The following ACTN1 variants were observed in gnomAD, a reference collection of about 807,000 sequenced individuals.
ACTN1 encodes actinin alpha 1.
In ACTN1, 30 loss-of-function variants were observed where a neutral mutation model predicts 119.6. That is an observed-to-expected ratio of 0.25 (90% CI 0.19 to 0.34). The LOEUF (loss-of-function observed/expected upper bound fraction) is 0.34, where lower values mean the gene tolerates loss of function less well. Ranked by LOEUF, ACTN1 falls within the 10% of genes least tolerant of loss-of-function variation. ACTN1 has a pLI of 1.00. For synonymous variants in ACTN1, 429 were observed against 472.6 expected (o/e 0.91, Z 1.20); for missense variants, 764 against 1,223.4 (o/e 0.62, Z 5.60).
In ACTN1 at chr14:68,878,589, C is replaced by G. The variant is rs1255967655; in HGVS notation, c.2362-66G>C. ...AAGGCAGGAAGAGGAAGGGCCGGCC[C>G]GGGGCCAGGAAGACAGGAACAGATG... On this transcript the variant is annotated intron_variant, in intron 19 of 21. Coordinates refer to ENST00000394419, the MANE Select transcript of ACTN1 (RefSeq NM_001130004.2). This position sits in a 1 kb window ranked among gnomAD's most constrained non-coding sequence, Gnocchi z 4.4. 1.0e-5 allele frequency: 16 copies of G among 1,604,390 alleles called. No individual in the cohort carries two copies. The highest frequency in any genetic ancestry group is 1.4e-5 in the Non-Finnish European group (16 of 1,175,610).
chr14:68,929,942 G>C (rs142526847), intron 1 of ACTN1, among the ~76,000 whole-genome samples: 1 of 152,238 alleles, frequency 6.6e-6, no homozygotes, highest in Admixed American at 6.5e-5. Flanking sequence ...CAACAGAGGG[G>C]CCCCAGCCCA....
chr14:68,929,039 C>T (rs954795609), intron 1 of ACTN1, among the ~76,000 whole-genome samples: 4 of 151,236 alleles, frequency 2.6e-5, no homozygotes, highest in South Asian at 2.1e-4. Context: ...GTGGCGGGTT[C>T]GTGGGAGAGG....
chr14:68,953,580 TAAGAA>T (rs1366442360), intron 1 of ACTN1, among the ~76,000 whole-genome samples: 4 of 152,188 alleles, frequency 2.6e-5, no homozygotes, highest in Non-Finnish European at 2.9e-5. Flanking sequence ...CATGACTCCT[TAAGAA>T]AAGGGACAAG....
chr14:68,939,919 G>A (rs1353539815), intron 1 of ACTN1, among the ~76,000 whole-genome samples: 1 of 152,080 alleles, frequency 6.6e-6, no homozygotes, highest in African/African-American at 2.4e-5. Context: ...TCAAAGACAG[G>A]CCCTGGACCA....
intron 1 of ACTN1, among the ~76,000 whole-genome samples, chr14:68,956,038 C>T (rs2036342077): frequency 6.6e-6 from 1 of 152,182 alleles, no homozygotes. Context: ...GTGGCGCACA[C>T]ACTATAGTCC....
At chr14:68,950,455 C>T (rs535693319) in intron 1 of ACTN1, among the ~76,000 whole-genome samples, 9 of 137,762 alleles carry the variant, frequency 6.5e-5, no homozygotes, top group African/African-American at 2.5e-4. Context: ...AATATATATG[C>T]GTGTGTGTAT....
rs79911519 is a variant in ACTN1 at position 68,889,075 on chromosome 14, C to T, written c.1234+1064G>A. Among the ~76,000 whole-genome samples the T allele has an allele frequency of 9.1e-3, 1,387 of 152,320 alleles. 19 individuals carry two copies. Among genetic ancestry groups the T allele is most frequent in the African/African-American group, 0.032 (1,322 of 41,566 alleles). ...TCCGCCGGCCAATAGGTCTGTCCCACGCTCCAGCTGAAATGGCCGGAGGGG... is the reference window on the plus strand; with the variant it reads ...TCCGCCGGCCAATAGGTCTGTCCCATGCTCCAGCTGAAATGGCCGGAGGGG... On this transcript the variant is annotated intron_variant, in intron 11 of 21. Transcript: ENST00000394419.
In ACTN1 at chr14:68,878,855, G is replaced by A; in HGVS notation, c.2361+134C>T. The A allele has an allele frequency of 6.3e-7, 1 of 1,596,250 alleles. No homozygotes were observed. Among genetic ancestry groups the A allele is most frequent in the Non-Finnish European group, 8.5e-7 (1 of 1,178,068 alleles). On this transcript the variant is annotated intron_variant, in intron 19 of 21. Transcript: ENST00000394419. This position sits in a 1 kb window ranked among gnomAD's most constrained non-coding sequence, Gnocchi z 4.4. ...ACCAGTGATGGGGCAGACAGAGACA[G>A]CAGGAGAGGACGAGCCCCATGGCCC...
chr14:68,920,458 C>T (rs2034575745), intron 3 of ACTN1, among the ~76,000 whole-genome samples: 2 of 152,214 alleles, frequency 1.3e-5, no homozygotes, highest in Non-Finnish European at 2.9e-5. Flanking sequence ...AATTACACTA[C>T]CTTCTTTTAA....
At position 68,879,898 on chromosome 14, in the gene ACTN1, C is replaced by T. The variant is rs1277251175; in HGVS notation, c.2280+64G>A. On this transcript the variant is annotated intron_variant, in intron 18 of 21. Coordinates refer to ENST00000394419, the MANE Select transcript of ACTN1 (RefSeq NM_001130004.2). This position sits in a 1 kb window ranked among gnomAD's most constrained non-coding sequence, Gnocchi z 4.9. Reference sequence around the variant, plus strand: ...TGGCAGCCCACGTCCCGGGGAAGTGCCCTCCAGGGCCCTGGGGCAGGGGTT... The same window carrying T: ...TGGCAGCCCACGTCCCGGGGAAGTGTCCTCCAGGGCCCTGGGGCAGGGGTT... 1.3e-6 allele frequency: 2 copies of T among 1,572,826 alleles called. No individual in the cohort carries two copies. The highest frequency in any genetic ancestry group is 1.4e-5 in the African/African-American group (1 of 73,868).
chr14:68,901,929 G>A (rs939531349), intron 8 of ACTN1, among the ~76,000 whole-genome samples: 1 of 152,230 alleles, frequency 6.6e-6, no homozygotes, highest in African/African-American at 2.4e-5. Context: ...GGCCGCATGG[G>A]AGTCCCAGGC....
chr14:68,964,484 C>G (rs1052720116), intron 1 of ACTN1, among the ~76,000 whole-genome samples: 2 of 152,152 alleles, frequency 1.3e-5, no homozygotes, highest in Non-Finnish European at 2.9e-5. Context: ...AGGGGCCTCC[C>G]TTCTCCAGTC....
Position 68,878,737 on chromosome 14 carries a change from C to A in ACTN1, c.2362-214G>T. The A allele has an allele frequency of 6.5e-7, 1 of 1,537,992 alleles. No homozygotes were observed. The highest frequency in any genetic ancestry group is 8.7e-7 in the Non-Finnish European group (1 of 1,148,030). On this transcript the variant is annotated intron_variant, in intron 19 of 21. Transcript: ENST00000394419. The surrounding 1 kb of genome is among the most constrained non-coding windows in gnomAD (Gnocchi z 4.4). ...AGGAGGAAGACAGAGCAGGGAGATG[C>A]AAAAATCCACCCATGGGATGAAGAG...
At chr14:68,917,653 C>A (rs1346862829) in intron 3 of ACTN1, among the ~76,000 whole-genome samples, 1 of 152,208 alleles carries the variant, frequency 6.6e-6, no homozygotes, top group African/African-American at 2.4e-5. Flanking sequence ...AGCAGAGCGG[C>A]CATTGTGGCA....
intron 8 of ACTN1, among the ~76,000 whole-genome samples, chr14:68,901,594 G>C (rs1015118741): frequency 1.3e-5 from 2 of 152,322 alleles, no homozygotes; most frequent in Middle Eastern, 3.4e-3. Context: ...TGGAGGGCAG[G>C]AGATCTGCAT....
At chr14:68,958,789 G>A (rs1270917825) in intron 1 of ACTN1, among the ~76,000 whole-genome samples, 1 of 152,320 alleles carries the variant, frequency 6.6e-6, no homozygotes, top group African/African-American at 2.4e-5. Context: ...TGAGGCAGCT[G>A]GTAAGGGGGA....
At position 68,875,004 on chromosome 14, in the gene ACTN1, A is replaced by T; in HGVS notation, c.2600T>A (p.Met867Lys). The T allele has an allele frequency of 6.2e-7, 1 of 1,613,478 alleles. No homozygotes were observed. Among genetic ancestry groups the T allele is most frequent in the Non-Finnish European group, 8.5e-7 (1 of 1,180,018 alleles). The change falls in exon 22 of 22, where the codon ATG (methionine) becomes AAG (lysine). Residue 867 changes from methionine to lysine, a missense_variant. Met to Lys is a moderately conservative substitution (Grantham distance 95). This residue lies in a region of ACTN1 where 102 missense variants were observed against 78.2 expected (regional missense o/e 1.30). Transcript: ENST00000394419. ...ILAGDKNYITMDELRRELPPD... is the reference protein window; with the variant it reads ...ILAGDKNYITKDELRRELPPD... ...TGGCAGCTCGCGGCGCAGCTCGTCC[A>T]TGGTAATGTAGTTCTGCGAGGAGAG...
rs754051706 is a variant in ACTN1 at position 68,878,890 on chromosome 14, G to T, written c.2361+99C>A. 2.3e-5 allele frequency: 37 copies of T among 1,600,704 alleles called. No homozygotes were observed. The African/African-American group carries it at 4.5e-4, about 20-fold the overall frequency. On this transcript the variant is annotated intron_variant, in intron 19 of 21. Coordinates refer to ENST00000394419, the MANE Select transcript of ACTN1 (RefSeq NM_001130004.2). This position sits in a 1 kb window ranked among gnomAD's most constrained non-coding sequence, Gnocchi z 4.4. The stretch of plus-strand genomic sequence containing the variant: ...ACGAGCCCCATGGCCCACAGGAGGG[G>T]GACAGGAGATCCAGACAGAGAGAAG...
At chr14:68,954,052 T>A (rs2036266839) in intron 1 of ACTN1, among the ~76,000 whole-genome samples, 1 of 152,228 alleles carries the variant, frequency 6.6e-6, no homozygotes, top group South Asian at 2.1e-4. Context: ...CATATTATCT[T>A]CCTTATTTAC....
Sources: allele counts gnomAD v4.1 joint callset (sites outside exome capture counted in the v4.1 genomes callset), GRCh38; gene constraint gnomAD v4.1.1; regional missense constraint gnomAD v4.1.1; non-coding constraint Gnocchi (gnomAD v3.1); transcripts MANE v1.5; gene names NCBI Gene and HGNC (gene_info 2026-07-23, HGNC 2026-07-21).